Variants in PHACTR1 observed in about 807,000 individuals in gnomAD.
PHACTR1 encodes the protein RPEL repeat containing 1.
In PHACTR1, 16 loss-of-function variants were observed where a neutral mutation model predicts 69.2. The ratio of observed to expected loss-of-function variants is 0.23; its 90% CI spans 0.16 to 0.35. The LOEUF (loss-of-function observed/expected upper bound fraction) is 0.35, where lower values mean the gene tolerates loss of function less well. Ranked by LOEUF, PHACTR1 falls within the 10% of genes least tolerant of loss-of-function variation. The pLI is 1.00. For synonymous variants in PHACTR1, 312 were observed against 284.5 expected (o/e 1.10, Z -0.97); for missense variants, 510 against 734.7 (o/e 0.69, Z 3.54).
intron 3 of PHACTR1, 23 bp from the exon 4 acceptor site, chr6:12,749,621 C>CTCCG: frequency 6.3e-7 from 1 of 1,589,558 alleles, no homozygotes; most frequent in African/African-American, 1.4e-5. Flanking sequence ...CTCCCTCTCC[C>CTCCG]TCCGTCTCCT....
intron 4 of PHACTR1, among the ~76,000 whole-genome samples, chr6:12,906,075 A>G (rs1246800258): frequency 6.6e-6 from 1 of 152,228 alleles, no homozygotes; most frequent in African/African-American, 2.4e-5. Flanking sequence ...GTCATTGTCT[A>G]TATATGAGAT....
At chr6:12,792,300 AC>A (rs1274204708) in intron 4 of PHACTR1, among the ~76,000 whole-genome samples, 41 of 151,628 alleles carry the variant, frequency 2.7e-4, no homozygotes, top group African/African-American at 9.9e-4. Flanking sequence ...CCCCGTCTCT[AC>A]CAAAAATACA....
intron 3 of PHACTR1, among the ~76,000 whole-genome samples, chr6:12,734,438 C>T (rs1381319371): frequency 6.6e-6 from 1 of 152,112 alleles, no homozygotes; most frequent in African/African-American, 2.4e-5. Flanking sequence ...ATGGCCCCAA[C>T]TTGTGGGTAC....
intron 8 of PHACTR1, among the ~76,000 whole-genome samples, chr6:13,223,426 A>T (rs1434888841): frequency 1.3e-5 from 2 of 152,240 alleles, no homozygotes; most frequent in African/African-American, 4.8e-5. Flanking sequence ...TATTAAACTC[A>T]GTGCCCCAGG....
intron 4 of PHACTR1, among the ~76,000 whole-genome samples, chr6:12,906,867 T>C (rs1339186697): frequency 6.6e-6 from 1 of 152,190 alleles, no homozygotes; most frequent in East Asian, 1.9e-4. Context: ...TTAGGCTTTC[T>C]GATTGACACT....
At chr6:12,879,860 C>A (rs1421109705) in intron 4 of PHACTR1, among the ~76,000 whole-genome samples, 2 of 152,180 alleles carry the variant, frequency 1.3e-5, no homozygotes, top group African/African-American at 2.4e-5. Flanking sequence ...ATCAGATCCA[C>A]AATGGCCATT....
At chr6:12,945,342 A>G (rs932749766) in intron 4 of PHACTR1, among the ~76,000 whole-genome samples, 1 of 152,136 alleles carries the variant, frequency 6.6e-6, no homozygotes, top group African/African-American at 2.4e-5. Context: ...TGGTTATTGC[A>G]TGTTTACTTA....
intron 8 of PHACTR1, among the ~76,000 whole-genome samples, chr6:13,207,182 G>A (rs182581782): frequency 2.0e-5 from 3 of 152,282 alleles, no homozygotes; most frequent in Admixed American, 1.3e-4. Context: ...GTGAAATGGG[G>A]AGAAAATACT....
chr6:13,252,212 CAA>C (rs537782699), intron 10 of PHACTR1, among the ~76,000 whole-genome samples: 10,209 of 73,660 alleles, frequency 0.14, 566 homozygotes, highest in Admixed American at 0.34. Context: ...CCTGCCTTTA[CAA>C]AAAAAAAAAA....
chr6:12,782,031 T>C (rs1770899248), intron 4 of PHACTR1, among the ~76,000 whole-genome samples: 1 of 152,214 alleles, frequency 6.6e-6, no homozygotes, highest in Non-Finnish European at 1.5e-5. Context: ...GCCTGGGCTC[T>C]GGCCTCTGCT....
At chr6:13,271,163 C>A (rs1220342200) in intron 10 of PHACTR1, among the ~76,000 whole-genome samples, 1 of 152,062 alleles carries the variant, frequency 6.6e-6, no homozygotes, top group African/African-American at 2.4e-5. Context: ...CATGTGCCAC[C>A]ATGCCCGGCT....
chr6:13,057,762 G>A (rs1217833991), intron 5 of PHACTR1, among the ~76,000 whole-genome samples: 3 of 152,150 alleles, frequency 2.0e-5, no homozygotes, highest in Non-Finnish European at 4.4e-5. Flanking sequence ...CCTCAATTTT[G>A]ACATCAACGA....
At chr6:12,952,536 T>C (rs1791422920) in intron 4 of PHACTR1, among the ~76,000 whole-genome samples, 1 of 152,228 alleles carries the variant, frequency 6.6e-6, no homozygotes, top group Admixed American at 6.5e-5. Context: ...TTCATGTCTT[T>C]TCACGGCTTG....
rs543185680 is a variant in PHACTR1 at position 13,249,935 on chromosome 6, A to G, written c.1391+19742A>G. On this transcript the variant is annotated intron_variant, in intron 10 of 14. Coordinates refer to ENST00000332995, the MANE Select transcript of PHACTR1 (RefSeq NM_030948.6). ...CTCCACTGGCTGATGCTTCAAGGAAATAGTTTTCAGACATTGGTGACACTC... is the reference window on the plus strand; with the variant it reads ...CTCCACTGGCTGATGCTTCAAGGAAGTAGTTTTCAGACATTGGTGACACTC... 9.8e-5 allele frequency among the ~76,000 whole-genome samples: 15 copies of G among 152,340 alleles called. No homozygotes were observed. In the South Asian group the frequency reaches 3.1e-3, roughly 32 times the overall value.
At chr6:13,042,092 T>C (rs1804275870) in intron 4 of PHACTR1, among the ~76,000 whole-genome samples, 1 of 152,220 alleles carries the variant, frequency 6.6e-6, no homozygotes, top group South Asian at 2.1e-4. Context: ...AAAGGTTTAT[T>C]GTAGACCTTC....
chr6:12,965,351 A>C (rs1197935792), intron 4 of PHACTR1, among the ~76,000 whole-genome samples: 1 of 151,920 alleles, frequency 6.6e-6, no homozygotes, highest in African/African-American at 2.4e-5. Flanking sequence ...ACATGTGCAG[A>C]GCAGCGAAAA....
intron 4 of PHACTR1, among the ~76,000 whole-genome samples, chr6:12,771,417 G>T (rs1487266189): frequency 6.6e-6 from 1 of 152,162 alleles, no homozygotes; most frequent in Non-Finnish European, 1.5e-5. Context: ...ACACAGGGGA[G>T]TCTTGGGGTG....
rs141423060 is a variant in PHACTR1, at chr6:13,256,481, C to G, written c.1392-16379C>G. 5.8e-4 allele frequency among the ~76,000 whole-genome samples: 88 copies of G among 152,364 alleles called. 1 individual carries two copies. The highest frequency in any genetic ancestry group is 2.0e-3 in the African/African-American group (83 of 41,596). ...TCTTTTCTACCAAATGGCCAGGCTG[C>G]AAAGTTTCCACTTTTACCCTGTTTC... On this transcript the variant is annotated intron_variant, in intron 10 of 14. Coordinates refer to ENST00000332995, the MANE Select transcript of PHACTR1 (RefSeq NM_030948.6).
chr6:12,898,297 C>T (rs1784875389), intron 4 of PHACTR1, among the ~76,000 whole-genome samples: 1 of 152,166 alleles, frequency 6.6e-6, no homozygotes, highest in East Asian at 1.9e-4. Context: ...TCCACTCCTT[C>T]GTCTCCAAAT....
Sources: allele counts gnomAD v4.1 joint callset (sites outside exome capture counted in the v4.1 genomes callset), GRCh38; gene constraint gnomAD v4.1.1; transcripts MANE v1.5; gene names NCBI Gene and HGNC (gene_info 2026-07-23, HGNC 2026-07-21).